FGGY: variants seen among roughly 807,000 people sequenced by gnomAD.
FGGY encodes the protein FGGY carbohydrate kinase domain containing.
In FGGY, 72 loss-of-function variants were observed where a neutral mutation model predicts 71.3. The ratio of observed to expected loss-of-function variants is 1.01; its 90% CI spans 0.84 to 1.23. The LOEUF is 1.23. Among genes scored for constraint, FGGY ranks in the 50% most tolerant of loss-of-function variants. FGGY has a pLI of 0.00. For missense variants in FGGY, 668 were observed against 682.3 expected, an observed-to-expected ratio of 0.98 and a Z score of 0.23; for synonymous variants, 251 against 250.3, an observed-to-expected ratio of 1.00 and a Z score of -0.02.
At chr1:59,458,617 T>C (rs921269176) in intron 6 of FGGY, among the ~76,000 whole-genome samples, 1 of 152,230 alleles carries the variant, frequency 6.6e-6, no homozygotes, top group Non-Finnish European at 1.5e-5. Context: ...TCATTAGAAG[T>C]CCATAATGTT....
intron 14 of FGGY, among the ~76,000 whole-genome samples, chr1:59,728,959 T>C (rs2097987361): frequency 6.6e-6 from 1 of 152,150 alleles, no homozygotes; most frequent in South Asian, 2.1e-4. Flanking sequence ...CCATTATTAC[T>C]TCAGATATTT....
chr1:59,535,712 C>A (rs1442032056), intron 7 of FGGY, among the ~76,000 whole-genome samples: 1 of 149,176 alleles, frequency 6.7e-6, no homozygotes, highest in Non-Finnish European at 1.5e-5. Flanking sequence ...GGAAACTGAA[C>A]AACCTGCTCC....
chr1:59,461,284 C>T (rs1297132686), intron 6 of FGGY, among the ~76,000 whole-genome samples: 1 of 152,104 alleles, frequency 6.6e-6, no homozygotes, highest in East Asian at 1.9e-4. Flanking sequence ...GCGCAAGCTT[C>T]AATAGCCAAT....
chr1:59,372,125 C>A (rs913056488), intron 4 of FGGY, among the ~76,000 whole-genome samples: 6 of 152,174 alleles, frequency 3.9e-5, no homozygotes, highest in African/African-American at 1.4e-4. Flanking sequence ...AATCCAGGAG[C>A]TGGTTTTTTG....
chr1:59,486,398 G>A (rs941887554), intron 6 of FGGY, among the ~76,000 whole-genome samples: 8 of 152,204 alleles, frequency 5.3e-5, no homozygotes, highest in Non-Finnish European at 1.0e-4. Flanking sequence ...AATCAAAAGA[G>A]GAGGGGAGCT....
chr1:59,319,538 G>C (rs1225269845), intron 1 of FGGY, among the ~76,000 whole-genome samples: 1 of 152,300 alleles, frequency 6.6e-6, no homozygotes, highest in South Asian at 2.1e-4. Flanking sequence ...AGAAAGGGAA[G>C]GAAGCCTTTT....
chr1:59,337,050 T>TATATATATATTTATATGTATATAGTC (rs575377849), intron 2 of FGGY, among the ~76,000 whole-genome samples: 9 of 69,788 alleles, frequency 1.3e-4, no homozygotes, highest in East Asian at 5.9e-4. Flanking sequence ...TATATAGTCA[T>TATATATATATTTATATGTATATAGTC]ATATATATAT....
At chr1:59,629,811 G>A (rs1178782221) in intron 10 of FGGY, among the ~76,000 whole-genome samples, 1 of 152,160 alleles carries the variant, frequency 6.6e-6, no homozygotes, top group Non-Finnish European at 1.5e-5. Flanking sequence ...ACATAGGATA[G>A]TAATGGAGAA....
At chr1:59,557,122 GGA>G (rs760354853) in intron 8 of FGGY, among the ~76,000 whole-genome samples, 5 of 152,184 alleles carry the variant, frequency 3.3e-5, no homozygotes, top group Non-Finnish European at 5.9e-5. Context: ...GTGAGGTCTA[GGA>G]GAGGTGCAGG....
chr1:59,364,087 A>G (rs926777599), intron 4 of FGGY, among the ~76,000 whole-genome samples: 1 of 152,190 alleles, frequency 6.6e-6, no homozygotes, highest in Non-Finnish European at 1.5e-5. Flanking sequence ...ACATTTGGGA[A>G]GAAAGAAGAA....
chr1:59,535,728 G>A (rs1038537329), intron 7 of FGGY, among the ~76,000 whole-genome samples: 4 of 147,732 alleles, frequency 2.7e-5, no homozygotes, highest in African/African-American at 1.0e-4. Flanking sequence ...GCTCCTGAAT[G>A]ACTACTGGGT....
intron 8 of FGGY, among the ~76,000 whole-genome samples, chr1:59,561,085 G>A (rs1052891593): frequency 6.6e-6 from 1 of 152,182 alleles, no homozygotes; most frequent in Non-Finnish European, 1.5e-5. Flanking sequence ...ATGAACTGAT[G>A]GTCTTCTGTT....
chr1:59,636,151 G>T (rs964443464), intron 10 of FGGY, among the ~76,000 whole-genome samples: 1 of 152,122 alleles, frequency 6.6e-6, no homozygotes, highest in African/African-American at 2.4e-5. Context: ...CAAATAAACT[G>T]CTGGTAGGTA....
At chr1:59,753,716 TA>T (rs2098267084) in intron 14 of FGGY, among the ~76,000 whole-genome samples, 1 of 151,864 alleles carries the variant, frequency 6.6e-6, no homozygotes, top group Non-Finnish European at 1.5e-5. Flanking sequence ...AACTTGTTTT[TA>T]ACAAGTTATA....
At chr1:59,543,496 T>G (rs1261071440) in intron 7 of FGGY, among the ~76,000 whole-genome samples, 1 of 152,202 alleles carries the variant, frequency 6.6e-6, no homozygotes, top group Non-Finnish European at 1.5e-5. Context: ...AATCCTAGCC[T>G]TTATAGAAAC....
intron 8 of FGGY, among the ~76,000 whole-genome samples, chr1:59,585,018 G>C (rs1319851934): frequency 6.6e-6 from 1 of 152,162 alleles, no homozygotes; most frequent in African/African-American, 2.4e-5. Flanking sequence ...TGAAATAAAA[G>C]AGGATACCAA....
At chr1:59,641,304 C>T in intron 11 of FGGY, 1 of 1,610,172 alleles carries the variant, frequency 6.2e-7, no homozygotes, top group Non-Finnish European at 8.5e-7. Context: ...TCTGTATATT[C>T]CGGCTTTGGC....
chr1:59,652,930 C>T (rs899332643), intron 11 of FGGY, among the ~76,000 whole-genome samples: 50 of 152,224 alleles, frequency 3.3e-4, no homozygotes, highest in East Asian at 2.3e-3. Flanking sequence ...GATGGGTTTT[C>T]GGTGTGGATG....
intron 14 of FGGY, among the ~76,000 whole-genome samples, chr1:59,709,745 G>C (rs1440358484): frequency 6.6e-6 from 1 of 152,200 alleles, no homozygotes; most frequent in Admixed American, 6.5e-5. Context: ...CCCCCAATTT[G>C]TGGGACCCAG....
Sources: allele counts gnomAD v4.1 joint callset (sites outside exome capture counted in the v4.1 genomes callset), GRCh38; gene constraint gnomAD v4.1.1; transcripts MANE v1.5; gene names NCBI Gene and HGNC (gene_info 2026-07-23, HGNC 2026-07-21).